Variants in CFDP1 observed in about 807,000 individuals in gnomAD.
CFDP1 encodes chromatin remodeling protein CFDP1.
Under a neutral mutation model 40.1 loss-of-function variants are expected in CFDP1, and 31 were observed. The observed-to-expected ratio is 0.77, with a 90% CI of 0.58 to 1.04. The LOEUF (loss-of-function observed/expected upper bound fraction) is 1.04, where lower values mean the gene tolerates loss of function less well. CFDP1 is among the 50% of genes least tolerant of loss of function. The pLI is 0.00. For missense variants in CFDP1, 423 were observed against 343.4 expected (o/e 1.23, Z -1.83); for synonymous variants, 167 against 120.0 (o/e 1.39, Z -2.56).
chr16:75,361,910 T>G (rs1009672962), intron 5 of CFDP1, among the ~76,000 whole-genome samples: 26 of 152,134 alleles, frequency 1.7e-4, no homozygotes, highest in African/African-American at 6.3e-4. Flanking sequence ...CTTCTCCTAT[T>G]CTGCTACGGC....
At chr16:75,375,368 A>C (rs1657640038) in intron 5 of CFDP1, among the ~76,000 whole-genome samples, 2 of 152,230 alleles carry the variant, frequency 1.3e-5, no homozygotes, top group South Asian at 4.1e-4. Context: ...TAACAGAATA[A>C]AACAACCCAA....
intron 5 of CFDP1, among the ~76,000 whole-genome samples, chr16:75,372,879 T>C (rs2078764236): frequency 6.6e-6 from 1 of 152,194 alleles, no homozygotes. Flanking sequence ...ATAAAAGCCT[T>C]AGCAAGGAAT....
chr16:75,324,305 GCA>G (rs1567645685), intron 5 of CFDP1, among the ~76,000 whole-genome samples: 1 of 152,070 alleles, frequency 6.6e-6, no homozygotes, highest in Non-Finnish European at 1.5e-5. Flanking sequence ...CCACAACGAG[GCA>G]ACAGGCACTG....
At chr16:75,309,037 CTG>C (rs1473051197) in intron 5 of CFDP1, among the ~76,000 whole-genome samples, 1 of 152,184 alleles carries the variant, frequency 6.6e-6, no homozygotes, top group Admixed American at 6.5e-5. Context: ...GCAAAATAAT[CTG>C]TCTTTTATTT....
At chr16:75,408,634 G>T (rs2079126462) in intron 4 of CFDP1, among the ~76,000 whole-genome samples, 2 of 151,692 alleles carry the variant, frequency 1.3e-5, no homozygotes, top group Admixed American at 1.3e-4. Context: ...AAAATTAGCT[G>T]GCACGCTGGC....
At chr16:75,395,315 T>A in intron 4 of CFDP1, 106 bp from the exon 5 acceptor site, 1 of 1,174,628 alleles carries the variant, frequency 8.5e-7, no homozygotes, top group Non-Finnish European at 1.2e-6. Flanking sequence ...CGGCTTCCAA[T>A]AAATTCTGGA....
intron 5 of CFDP1, among the ~76,000 whole-genome samples, chr16:75,322,843 G>C (rs1249376373): frequency 2.0e-5 from 3 of 151,914 alleles, no homozygotes; most frequent in African/African-American, 7.3e-5. Context: ...GTGTATAAAA[G>C]ATAAAAAAAG....
rs1221781556 is a variant in CFDP1 at position 75,305,068 on chromosome 16, C to T, written c.765G>A (p.Glu255=). The T allele has an allele frequency of 1.1e-5, 18 of 1,614,186 alleles. 1 individual carries two copies. In the Admixed American group the frequency reaches 1.7e-4, roughly 15 times the overall value. The change falls in exon 6 of 7, where the codon GAG becomes GAA. Residue 255 remains glutamate, a synonymous_variant. Coordinates refer to ENST00000283882, the MANE Select transcript of CFDP1 (RefSeq NM_006324.3). ...GGATGGCCAGTTCTTCACCAATCCC[C>T]TCTTCCTCCTTGAAGCTCTCCCAGT... is the stretch of plus-strand genomic sequence containing the variant. ...KLDWESFKEE[E]GIGEELAIHN... is the part of the protein sequence containing the mutation.
chr16:75,345,189 G>A (rs2078553732), intron 5 of CFDP1, among the ~76,000 whole-genome samples: 1 of 151,968 alleles, frequency 6.6e-6, no homozygotes, highest in Non-Finnish European at 1.5e-5. Flanking sequence ...GGGAGCAGTG[G>A]CTCACACCTA....
chr16:75,428,652 C>T (rs970711406), intron 1 of CFDP1, among the ~76,000 whole-genome samples: 1 of 122,800 alleles, frequency 8.1e-6, no homozygotes, highest in Non-Finnish European at 1.7e-5. Flanking sequence ...AAAAGAAGGG[C>T]GGAGAGGGAG....
intron 5 of CFDP1, among the ~76,000 whole-genome samples, chr16:75,375,079 C>T (rs2078782058): frequency 6.6e-6 from 1 of 151,368 alleles, no homozygotes; most frequent in African/African-American, 2.4e-5. Context: ...TAAATGTGTC[C>T]ATATATGAAA....
At chr16:75,406,983 T>C (rs2079105896) in intron 4 of CFDP1, among the ~76,000 whole-genome samples, 1 of 152,204 alleles carries the variant, frequency 6.6e-6, no homozygotes, top group South Asian at 2.1e-4. Context: ...ATCACGCCAC[T>C]GTACTCCAGC....
chr16:75,312,000 C>A (rs2078295893), intron 5 of CFDP1, among the ~76,000 whole-genome samples: 1 of 152,168 alleles, frequency 6.6e-6, no homozygotes, highest in Non-Finnish European at 1.5e-5. Context: ...AGGATGAAAG[C>A]AAGCTTATGA....
chr16:75,418,954 A>G, intron 1 of CFDP1: 1 of 231,724 alleles, frequency 4.3e-6, no homozygotes, highest in Non-Finnish European at 9.3e-6. Flanking sequence ...AGCCTGGGCA[A>G]CAGAGCAAGA....
intron 4 of CFDP1, among the ~76,000 whole-genome samples, chr16:75,402,568 G>A (rs2079064668): frequency 6.6e-6 from 1 of 152,192 alleles, no homozygotes; most frequent in Non-Finnish European, 1.5e-5. Context: ...CTAACTTTGT[G>A]CTAACACTAC....
chr16:75,360,164 GA>G (rs2078672111), intron 5 of CFDP1, among the ~76,000 whole-genome samples: 1 of 152,126 alleles, frequency 6.6e-6, no homozygotes, highest in Admixed American at 6.5e-5. Context: ...AAAGTGCTGG[GA>G]TTACAGGCAT....
chr16:75,382,271 A>G (rs2078859048), intron 5 of CFDP1, among the ~76,000 whole-genome samples: 1 of 152,238 alleles, frequency 6.6e-6, no homozygotes, highest in Non-Finnish European at 1.5e-5. Context: ...GATTGATAAA[A>G]TATAAGGAAA....
chr16:75,368,487 A>G (rs1195822306), intron 5 of CFDP1, among the ~76,000 whole-genome samples: 29 of 152,228 alleles, frequency 1.9e-4, no homozygotes, highest in Non-Finnish European at 8.8e-5. Context: ...TCTCTACTGT[A>G]TGAAATTTTC....
chr16:75,305,973 G>A (rs961480368), intron 5 of CFDP1, among the ~76,000 whole-genome samples: 1 of 152,102 alleles, frequency 6.6e-6, no homozygotes, highest in Non-Finnish European at 1.5e-5. Flanking sequence ...GTCTTGGCAG[G>A]TCAAATGTTT....
Sources: gnomAD v4.1 joint callset for allele counts (sites outside exome capture counted in the v4.1 genomes callset) on GRCh38, gnomAD v4.1.1 for gene constraint, MANE v1.5 for transcripts, NCBI Gene and HGNC (gene_info 2026-07-23, HGNC 2026-07-21) for gene names.